Variants in ERICH3 observed in about 807,000 individuals in gnomAD.
The protein encoded by ERICH3 is glutamate rich 3.
A neutral mutation model predicts 131.1 loss-of-function variants in ERICH3; 126 were observed. The observed-to-expected ratio is 0.96, with a 90% CI of 0.83 to 1.11. The LOEUF (loss-of-function observed/expected upper bound fraction) is 1.11. Among genes scored for constraint, ERICH3 ranks in the 50% most tolerant of loss-of-function variants. ERICH3 has a pLI of 0.00. For synonymous variants in ERICH3, 695 were observed against 644.6 expected, an observed-to-expected ratio of 1.08 and a Z score of -1.18; for missense variants, 2,050 against 1,810.7, an observed-to-expected ratio of 1.13 and a Z score of -2.40.
chr1:74,582,845 CA>C (rs1246902759), intron 12 of ERICH3, among the ~76,000 whole-genome samples: 1 of 151,966 alleles, frequency 6.6e-6, no homozygotes, highest in African/African-American at 2.4e-5. Flanking sequence ...TTTGATTTAA[CA>C]AAAAAATATT....
chr1:74,598,990 T>C (rs1647990699), intron 11 of ERICH3, among the ~76,000 whole-genome samples: 1 of 151,958 alleles, frequency 6.6e-6, no homozygotes. Flanking sequence ...CATACACGTA[T>C]TGACTTTTTA....
intron 12 of ERICH3, among the ~76,000 whole-genome samples, chr1:74,584,328 C>A (rs1178931878): frequency 6.6e-6 from 1 of 152,224 alleles, no homozygotes; most frequent in Non-Finnish European, 1.5e-5. Flanking sequence ...GGTCTCACAT[C>A]TTCCTAGAGG....
intron 1 of ERICH3, among the ~76,000 whole-genome samples, chr1:74,657,772 A>G (rs1646599225): frequency 6.6e-6 from 1 of 152,162 alleles, no homozygotes; most frequent in Non-Finnish European, 1.5e-5. Context: ...CCGGAGACAC[A>G]CTAAGTTTGA....
At chr1:74,667,330 T>C (rs997748537) in intron 1 of ERICH3, among the ~76,000 whole-genome samples, 2 of 152,222 alleles carry the variant, frequency 1.3e-5, no homozygotes, top group Non-Finnish European at 2.9e-5. Flanking sequence ...CTCATCTAAT[T>C]TGACAGATTT....
intron 9 of ERICH3, among the ~76,000 whole-genome samples, chr1:74,611,151 CT>C (rs1455890266): frequency 6.6e-6 from 1 of 152,136 alleles, no homozygotes; most frequent in Non-Finnish European, 1.5e-5. Flanking sequence ...ATATATCCAA[CT>C]GCCTACTCAG....
At chr1:74,647,421 TC>T (rs1646495603) in intron 2 of ERICH3, among the ~76,000 whole-genome samples, 1 of 152,050 alleles carries the variant, frequency 6.6e-6, no homozygotes, top group Non-Finnish European at 1.5e-5. Context: ...TCTTCCACTC[TC>T]CAGCCCAAAA....
chr1:74,622,304 C>T (rs1649250829), intron 7 of ERICH3: 2 of 152,212 alleles, frequency 1.3e-5, no homozygotes, highest in Admixed American at 1.3e-4. Context: ...GAAGGAAGAG[C>T]TCTCAAATAA....
intron 10 of ERICH3, among the ~76,000 whole-genome samples, chr1:74,600,801 C>T (rs1026470452): frequency 6.6e-6 from 1 of 151,628 alleles, no homozygotes; most frequent in Non-Finnish European, 1.5e-5. Context: ...TCATGCAGAA[C>T]CAATTAAGCA....
intron 11 of ERICH3, among the ~76,000 whole-genome samples, chr1:74,590,578 TG>T (rs1647544958): frequency 6.6e-6 from 1 of 152,180 alleles, no homozygotes; most frequent in Admixed American, 6.5e-5. Context: ...GAGGATCTAA[TG>T]TTTCCACTGA....
chr1:74,574,570 A>G (rs1006157988), intron 13 of ERICH3, among the ~76,000 whole-genome samples: 2 of 152,218 alleles, frequency 1.3e-5, no homozygotes, highest in African/African-American at 4.8e-5. Context: ...GCCTTTGGCA[A>G]GACAGGATCA....
rs1646964848 is a variant in ERICH3 at position 74,572,221 on chromosome 1, A to G, written c.3489T>C (p.Phe1163=). 6.2e-7 allele frequency: 1 copy of G among 1,613,944 alleles called. No individual in the cohort carries two copies. The highest frequency in any genetic ancestry group is 8.5e-7 in the Non-Finnish European group (1 of 1,180,028). The change falls in exon 14 of 15, where the codon TTT becomes TTC. Residue 1163 remains phenylalanine, a synonymous_variant. Transcript: ENST00000326665. ...CTGTTATGTTTTCCAGCGACTTTTC[A>G]AATCCAGGCGTTGCTTCAAATATGG... The part of the protein sequence containing the change: ...VVPIFEATPG[F]EKSLENITAL...
intron 1 of ERICH3, among the ~76,000 whole-genome samples, chr1:74,650,021 A>G (rs1646518879): frequency 6.6e-6 from 1 of 152,124 alleles, no homozygotes. Context: ...ATAGATCATT[A>G]TTCTTGGTAT....
chr1:74,606,942 T>G, intron 9 of ERICH3, 40 bp from the exon 10 acceptor site: 1 of 1,540,126 alleles, frequency 6.5e-7, no homozygotes, highest in South Asian at 1.2e-5. Flanking sequence ...TTAACCCTTG[T>G]AGACAGCACA....
chr1:74,572,803 AC>A lies in ERICH3; in HGVS notation c.2906del (p.Gly969ValfsTer20). ...CTCCCCCAAGAATTGCCTCTTCAGA[AC>A]CGTCCTCTCTCTTTGATGCTGTGTC... is the stretch of plus-strand genomic sequence containing the variant. ...MEDTASKRED[G>X]SEEAILGGEE... On this transcript the variant is annotated frameshift_variant, in exon 14 of 15. Coordinates refer to ENST00000326665, the MANE Select transcript of ERICH3 (RefSeq NM_001002912.5). LOFTEE classifies it high-confidence loss of function. 1 of 1,613,744 alleles carries A rather than the reference AC, an allele frequency of 6.2e-7. No individual in the cohort carries two copies.
intron 9 of ERICH3, among the ~76,000 whole-genome samples, chr1:74,608,752 A>C (rs1286347450): frequency 6.6e-6 from 1 of 152,046 alleles, no homozygotes; most frequent in East Asian, 1.9e-4. Context: ...TCTTGACTAT[A>C]ATGATGATGT....
chr1:74,591,965 G>C (rs1647627396), intron 11 of ERICH3: 1 of 152,062 alleles, frequency 6.6e-6, no homozygotes, highest in Non-Finnish European at 1.5e-5. Context: ...AGCTAATGCA[G>C]AGTTTAAGAT....
At chr1:74,608,609 A>G (rs1648513534) in intron 9 of ERICH3, among the ~76,000 whole-genome samples, 1 of 152,116 alleles carries the variant, frequency 6.6e-6, no homozygotes, top group African/African-American at 2.4e-5. Context: ...GAACTGAGTT[A>G]TATCACTTAA....
chr1:74,579,887 A>C (rs1269887196), intron 12 of ERICH3: 47 of 984,522 alleles, frequency 4.8e-5, no homozygotes, highest in Non-Finnish European at 5.7e-5. Context: ...GAATTGTCAC[A>C]CACAGAAAAT....
intron 11 of ERICH3, chr1:74,592,371 G>A (rs957118838): frequency 6.6e-6 from 1 of 152,104 alleles, no homozygotes; most frequent in Admixed American, 6.6e-5. Context: ...TAGGGTCTAT[G>A]AACTCCCCTT....
Sources: gnomAD v4.1 joint callset for allele counts (sites outside exome capture counted in the v4.1 genomes callset) on GRCh38, gnomAD v4.1.1 for gene constraint, MANE v1.5 for transcripts, NCBI Gene and HGNC (gene_info 2026-07-23, HGNC 2026-07-21) for gene names.